VWA2: variants seen among roughly 807,000 people sequenced by gnomAD.
VWA2 encodes von Willebrand factor A domain-containing protein 2.
Under a neutral mutation model 70.4 loss-of-function variants are expected in VWA2, and 73 were observed. The observed-to-expected ratio is 1.04, with a 90% CI of 0.86 to 1.26. The LOEUF (loss-of-function observed/expected upper bound fraction) is 1.26. VWA2 is among the 50% of genes most tolerant of loss of function. VWA2 has a pLI of 0.00. For synonymous variants in VWA2, 407 were observed against 423.3 expected (o/e 0.96, Z 0.47); for missense variants, 1,011 against 998.5 (o/e 1.01, Z -0.17).
chr10:114,285,072 C>T (rs143954408), intron 10 of VWA2, 102 bp downstream of exon 10: 852 of 921,184 alleles, frequency 9.2e-4, no homozygotes, highest in Non-Finnish European at 1.2e-3. Flanking sequence ...TAGAAACTGG[C>T]CCTTGAACCA....
rs760097812 is a variant in VWA2 at position 114,291,229 on chromosome 10, C to T, written c.2260C>T (p.Arg754Cys). ...ACTTCCTTCCCCAGGATTCTTGAGA[C>T]GCCCCTGAGGCACATGGCTCCCGTG... ...GPHCENRFLRRP is the reference protein window; with the variant it reads ...GPHCENRFLRCP Residue 754 changes from arginine (R) to cysteine (C), a missense_variant, in exon 14 of 14, where the codon CGC becomes TGC. Coordinates refer to ENST00000392982, the MANE Select transcript of VWA2 (RefSeq NM_001272046.2). 2.5e-4 allele frequency: 388 copies of T among 1,550,382 alleles called. No individual in the cohort carries two copies. Among genetic ancestry groups the T allele is most frequent in the Non-Finnish European group, 3.2e-4 (366 of 1,146,934 alleles).
chr10:114,289,155 G>C lies in VWA2; in HGVS notation c.1788G>C (p.Arg596=). ...DTKPTRAAML[R]AISQAPYLGG... The stretch of plus-strand genomic sequence containing the variant: ...AACCCACCCGGGCTGCGATGCTGCG[G>C]GCCATTAGCCAGGCCCCCTACCTAG... The change falls in exon 12 of 14, where the codon CGG becomes CGC. Residue 596 remains arginine (R), a synonymous_variant. Coordinates refer to ENST00000392982, the MANE Select transcript of VWA2 (RefSeq NM_001272046.2). 6.2e-7 allele frequency: 1 copy of C among 1,613,838 alleles called. No individual in the cohort carries two copies. Among genetic ancestry groups the C allele is most frequent in the Non-Finnish European group, 8.5e-7 (1 of 1,179,910 alleles).
intron 2 of VWA2, among the ~76,000 whole-genome samples, chr10:114,251,154 C>T (rs988709947): frequency 3.3e-5 from 5 of 152,380 alleles, no homozygotes; most frequent in Non-Finnish European, 5.9e-5. Context: ...ACTCTGCCTG[C>T]GCAATAGCGT....
intron 5 of VWA2, among the ~76,000 whole-genome samples, chr10:114,271,835 T>C (rs2037717234): frequency 6.6e-6 from 1 of 152,230 alleles, no homozygotes; most frequent in South Asian, 2.1e-4. Context: ...TTTCTCTGTG[T>C]GTACTGTTGA....
rs2039697121 is a variant in VWA2, at chr10:114,292,533, A to G, written c.*1296A>G. Reference sequence around the variant, plus strand: ...TGTTGGTTATTTATTAAACAGGGATATTTGTACCTATGTGGCAAAGAGGCA... The same window carrying G: ...TGTTGGTTATTTATTAAACAGGGATGTTTGTACCTATGTGGCAAAGAGGCA... On this transcript the variant is annotated 3_prime_UTR_variant, in exon 14 of 14. Coordinates refer to ENST00000392982, the MANE Select transcript of VWA2 (RefSeq NM_001272046.2). Among the ~76,000 whole-genome samples the G allele has an allele frequency of 6.6e-6, 1 of 150,898 alleles. No individual in the cohort carries two copies. Among genetic ancestry groups the G allele is most frequent in the Non-Finnish European group, 1.5e-5 (1 of 67,856 alleles).
intron 2 of VWA2, among the ~76,000 whole-genome samples, chr10:114,251,174 T>C (rs540864729): frequency 6.6e-6 from 1 of 152,384 alleles, no homozygotes; most frequent in African/African-American, 2.4e-5. Flanking sequence ...TCACCCATCC[T>C]GCAGACTGAA....
chr10:114,279,298 C>T (rs1426532723), intron 8 of VWA2, among the ~76,000 whole-genome samples: 1 of 152,146 alleles, frequency 6.6e-6, no homozygotes, highest in African/African-American at 2.4e-5. Flanking sequence ...GCCCAGGCAC[C>T]CAAGAGCACC....
At chr10:114,259,153 C>T (rs910815116) in intron 4 of VWA2, among the ~76,000 whole-genome samples, 1 of 152,104 alleles carries the variant, frequency 6.6e-6, no homozygotes, top group African/African-American at 2.4e-5. Flanking sequence ...TACATTTCTA[C>T]AAGCAATGTT....
rs11817946 is a variant in VWA2, at chr10:114,284,966, C to T, written c.993C>T (p.Asn331=). 6,958 of 1,596,234 alleles carry T rather than the reference C, an allele frequency of 4.4e-3. 248 individuals carry two copies. The African/African-American group carries it at 0.079, about 18-fold the overall frequency. The change falls in exon 10 of 14, where the codon AAC becomes AAT. Residue 331 remains asparagine (N), a synonymous_variant. Transcript: ENST00000392982. ...CGCTGGCCTTTGGAGGGGAGGCTAA[C>T]TGTGGTAGGTATGCACCGGCCCTGC... The part of the protein sequence containing the change: ...LCPLAFGGEA[N]CALKLSLECR...
chr10:114,259,675 A>G (rs940956925), intron 4 of VWA2, among the ~76,000 whole-genome samples: 10 of 152,114 alleles, frequency 6.6e-5, no homozygotes, highest in Non-Finnish European at 1.3e-4. Context: ...ATTGCTCTCC[A>G]GTTGTCCCAA....
chr10:114,253,826 C>G, intron 3 of VWA2, 101 bp downstream of exon 3: 1 of 1,143,110 alleles, frequency 8.7e-7, no homozygotes, highest in Non-Finnish European at 1.3e-6. Context: ...TGCCCCTTTC[C>G]CATCTTCCTT....
At chr10:114,242,424 A>C (rs1161496920) in intron 1 of VWA2, among the ~76,000 whole-genome samples, 3 of 152,154 alleles carry the variant, frequency 2.0e-5, no homozygotes, top group Non-Finnish European at 4.4e-5. Flanking sequence ...TCATAGTACC[A>C]GGTGCATCTG....
At chr10:114,262,288 T>C (rs1316734795) in intron 5 of VWA2, among the ~76,000 whole-genome samples, 3 of 150,326 alleles carry the variant, frequency 2.0e-5, no homozygotes, top group Non-Finnish European at 4.4e-5. Flanking sequence ...TATACACTTA[T>C]ATTTTGTGTA....
At position 114,288,298 on chromosome 10, in the gene VWA2, C is replaced by T. The variant is rs1018818930; in HGVS notation, c.1571-640C>T. ...TCGAAGTCCCCTGCTTTTCCCTCCA[C>T]GCTGCCGACATCATTTGTAATTCTA... is the stretch of plus-strand genomic sequence containing the variant. On this transcript the variant is annotated intron_variant, in intron 11 of 13. Transcript: ENST00000392982. 3.3e-5 allele frequency among the ~76,000 whole-genome samples: 5 copies of T among 152,362 alleles called. No homozygotes were observed. In the East Asian group the frequency reaches 7.7e-4, roughly 24 times the overall value.
At chr10:114,263,966 T>G (rs1411083903) in intron 5 of VWA2, among the ~76,000 whole-genome samples, 1 of 152,218 alleles carries the variant, frequency 6.6e-6, no homozygotes, top group Non-Finnish European at 1.5e-5. Context: ...TGAGCTACCA[T>G]GTCATAGCCA....
In VWA2 at chr10:114,278,807, G is replaced by T; in HGVS notation, c.789G>T (p.Ser263=). The change falls in exon 8 of 14, where the codon TCG becomes TCT. Residue 263 remains serine, a synonymous_variant. Coordinates refer to ENST00000392982, the MANE Select transcript of VWA2 (RefSeq NM_001272046.2). The part of the protein sequence containing the change: ...FAGNAPCWRG[S]RRTLAVLAAH... The stretch of plus-strand genomic sequence containing the variant: ...GCAATGCCCCATGCTGGAGAGGATC[G>T]CGGCGGACCCTTGCGGTGCTGGCTG... 2 of 1,613,574 alleles carry T rather than the reference G, an allele frequency of 1.2e-6. No individual in the cohort carries two copies. Among genetic ancestry groups the T allele is most frequent in the African/African-American group, 1.3e-5 (1 of 75,032 alleles).
chr10:114,246,089 G>A lies in VWA2; in HGVS notation c.-10-2615G>A, dbSNP rs144122827. 3.9e-3 allele frequency: 2,519 copies of A among 638,340 alleles called. 18 individuals are homozygous for A. The highest frequency in any genetic ancestry group is 6.7e-3 in the Admixed American group (320 of 47,530). 39.5% of individuals were successfully genotyped at this position (638,340 alleles called of 1,614,324 possible). A position where few individuals can be genotyped will look rare whatever the true frequency, so the allele number is the denominator to read the frequency against. On this transcript the variant is annotated intron_variant, in intron 1 of 13. Transcript: ENST00000392982. ...CCCCCGCCCCCCGCCCAAGATGATT[G>A]GAGGTCAGATGCATGGTGAGAAGGT...
intron 1 of VWA2, among the ~76,000 whole-genome samples, chr10:114,244,784 G>A (rs866837416): frequency 1.1e-4 from 17 of 152,378 alleles, no homozygotes; most frequent in South Asian, 4.1e-4. Flanking sequence ...TCGCAATAGC[G>A]TTCATTTCAT....
At chr10:114,275,143 T>C (rs187578144) in intron 6 of VWA2, among the ~76,000 whole-genome samples, 72 of 152,126 alleles carry the variant, frequency 4.7e-4, no homozygotes, top group African/African-American at 1.6e-3. Flanking sequence ...GGAGAGAAGA[T>C]GACCAACGGG....
Sources: allele counts gnomAD v4.1 joint callset (sites outside exome capture counted in the v4.1 genomes callset), GRCh38; gene constraint gnomAD v4.1.1; transcripts MANE v1.5; gene names NCBI Gene and HGNC (gene_info 2026-07-23, HGNC 2026-07-21).